The following ZNF418 variants were observed in gnomAD, a reference collection of about 807,000 sequenced individuals.
The protein encoded by ZNF418 is zinc finger protein 418.
A neutral mutation model predicts 32.0 loss-of-function variants in ZNF418; 32 were observed. That is an observed-to-expected ratio of 1.00 (90% CI 0.75 to 1.34). ZNF418 has a LOEUF of 1.34. Among genes scored for constraint, ZNF418 ranks in the 40% most tolerant of loss-of-function variants. The probability of loss-of-function intolerance (pLI) is 0.00; values close to 1 mark genes in which losing one functional copy is unlikely to be tolerated. For missense variants in ZNF418, 804 were observed against 812.5 expected, an observed-to-expected ratio of 0.99 and a Z score of 0.13; for synonymous variants, 276 against 270.7, an observed-to-expected ratio of 1.02 and a Z score of -0.19.
At position 57,922,470 on chromosome 19, in the gene ZNF418, A is replaced by C. The variant is rs1023978730; in HGVS notation, c.*785T>G. The C allele has an allele frequency of 3.8e-5, 15 of 397,672 alleles. No individual in the cohort carries two copies. The highest frequency in any genetic ancestry group is 5.3e-5 in the Non-Finnish European group (12 of 225,642). 24.6% of individuals were successfully genotyped at this position (397,672 alleles called of 1,614,324 possible). A position where few individuals can be genotyped will look rare whatever the true frequency, so the allele number is the denominator to read the frequency against. On this transcript the variant is annotated 3_prime_UTR_variant, in exon 6 of 6. Coordinates refer to ENST00000396147, the MANE Select transcript of ZNF418 (RefSeq NM_133460.3). Reference sequence around the variant, plus strand: ...CCAATTCAACACATATTTACCCATGACTTCCACGGTGGCTCTTCTGTAAGG... The same window carrying C: ...CCAATTCAACACATATTTACCCATGCCTTCCACGGTGGCTCTTCTGTAAGG...
At position 57,927,742 on chromosome 19, in the gene ZNF418, CAA is replaced by C; in HGVS notation, c.437_438del (p.Phe146CysfsTer5). On this transcript the variant is annotated frameshift_variant, in exon 4 of 6. Coordinates refer to ENST00000396147, the MANE Select transcript of ZNF418 (RefSeq NM_133460.3). LOFTEE classifies it high-confidence loss of function. ...GACACATGGAACTTACACCTCTTCA[CAA>C]ACAATGCTTCCTCAACACTGCTTCT... ...PYRSSVEEAL[F>X]VKRCKFHVSE... 1.2e-6 allele frequency: 2 copies of C among 1,614,238 alleles called. No homozygotes were observed. Among genetic ancestry groups the C allele is most frequent in the Non-Finnish European group, 1.7e-6 (2 of 1,180,046 alleles).
chr19:57,925,092 A>T (rs1483085542), intron 4 of ZNF418, among the ~76,000 whole-genome samples: 3 of 152,178 alleles, frequency 2.0e-5, no homozygotes, highest in Non-Finnish European at 4.4e-5. Context: ...TTAAACAATA[A>T]GGCCTTATTC....
At chr19:57,931,546 C>T (rs1301431282) in intron 2 of ZNF418, among the ~76,000 whole-genome samples, 1 of 152,128 alleles carries the variant, frequency 6.6e-6, no homozygotes, top group African/African-American at 2.4e-5. Context: ...TCACGGCCAG[C>T]CCAACATGAC....
In ZNF418 at chr19:57,930,465, G is replaced by A. The variant is rs115337005; in HGVS notation, c.96C>T (p.Asp32=). The A allele has an allele frequency of 5.9e-4, 955 of 1,614,144 alleles. 10 individuals are homozygous for A. The African/African-American group carries it at 0.011, about 19-fold the overall frequency. The change falls in exon 3 of 6, where the codon GAC becomes GAT. Residue 32 remains aspartate (D), a synonymous_variant. Coordinates refer to ENST00000396147, the MANE Select transcript of ZNF418 (RefSeq NM_133460.3). ...TAAGTACCCAGTTCTCCAGCATCACGTCATGGTAAAGGCATCTCTGAACCT... is the reference window on the plus strand; with the variant it reads ...TAAGTACCCAGTTCTCCAGCATCACATCATGGTAAAGGCATCTCTGAACCT... ...LSEVQRCLYH[D]VMLENWVLIS... is the part of the protein sequence containing the mutation.
intron 3 of ZNF418, 106 bp from the exon 4 acceptor site, chr19:57,928,153 T>C (rs1328751878): frequency 1.0e-6 from 1 of 989,894 alleles, no homozygotes; most frequent in Non-Finnish European, 1.5e-6. Flanking sequence ...TGGAAATATT[T>C]GCAGGAACAG....
intron 2 of ZNF418, chr19:57,932,296 C>T: frequency 1.3e-6 from 1 of 762,636 alleles, no homozygotes; most frequent in Non-Finnish European, 2.2e-6. Context: ...GTGCTCAGGC[C>T]ATTTGAGGTC....
intron 1 of ZNF418, 129 bp from the exon 2 acceptor site, chr19:57,934,031 T>C: frequency 6.8e-7 from 1 of 1,473,214 alleles, no homozygotes; most frequent in Non-Finnish European, 9.0e-7. Context: ...TATGTTTACA[T>C]GGGTTGACAG....
At chr19:57,922,834 T>C (rs1208010513) in intron 5 of ZNF418, among the ~76,000 whole-genome samples, 2 of 151,712 alleles carry the variant, frequency 1.3e-5, no homozygotes, top group Non-Finnish European at 2.9e-5. Flanking sequence ...ACCTAATCTC[T>C]ACAGAAAAAT....
rs767945132 is a variant in ZNF418 at position 57,926,886 on chromosome 19, CCA to C, written c.1293_1294del (p.Cys431TrpfsTer5). Reference sequence around the variant, plus strand: ...GTTGCCCTTTCGACTAAAAGATTTCCCACATTCTCCACACTCGTAAGGTCTTT... The same window carrying C: ...GTTGCCCTTTCGACTAAAAGATTTCCCATTCTCCACACTCGTAAGGTCTTT... On this transcript the variant is annotated frameshift_variant, in exon 4 of 6. Transcript: ENST00000396147. LOFTEE classifies it low-confidence loss of function (END_TRUNC). 3.7e-6 allele frequency: 6 copies of C among 1,614,018 alleles called. No individual in the cohort carries two copies. Among genetic ancestry groups the C allele is most frequent in the South Asian group, 2.2e-5 (2 of 91,078 alleles).
At chr19:57,922,830 T>G (rs1164434341) in intron 5 of ZNF418, among the ~76,000 whole-genome samples, 1 of 151,666 alleles carries the variant, frequency 6.6e-6, no homozygotes, top group East Asian at 1.9e-4. Flanking sequence ...TGAGACCTAA[T>G]CTCTACAGAA....
rs2072582014 is a variant in ZNF418, at chr19:57,933,837, A to T, written c.-15T>A. ...CTCACCTGCATTATGGCAGGAGTTTAAACTCTGATCCTCCTTCCTCCTCCC... is the reference window on the plus strand; with the variant it reads ...CTCACCTGCATTATGGCAGGAGTTTTAACTCTGATCCTCCTTCCTCCTCCC... On this transcript the variant is annotated 5_prime_UTR_variant, in exon 2 of 6. Coordinates refer to ENST00000396147, the MANE Select transcript of ZNF418 (RefSeq NM_133460.3). 6.2e-7 allele frequency: 1 copy of T among 1,614,016 alleles called. No homozygotes were observed. The highest frequency in any genetic ancestry group is 1.3e-5 in the African/African-American group (1 of 74,896).
chr19:57,926,072 T>A lies in ZNF418; in HGVS notation c.*78A>T, dbSNP rs1191816019. ...GAATATCCCACGTTTGTCACACTCA[T>A]AAGGTCCTGATCCAGTAAGAACCCT... On this transcript the variant is annotated 3_prime_UTR_variant, in exon 4 of 6. Coordinates refer to ENST00000396147, the MANE Select transcript of ZNF418 (RefSeq NM_133460.3). 71 of 1,250,624 alleles carry A rather than the reference T, an allele frequency of 5.7e-5. No homozygotes were observed. The highest frequency in any genetic ancestry group is 7.4e-5 in the Non-Finnish European group (66 of 892,290). 77.5% of individuals were successfully genotyped at this position (1,250,624 alleles called of 1,614,324 possible). A position where few individuals can be genotyped will look rare whatever the true frequency, so the allele number is the denominator to read the frequency against.
Position 57,926,840 on chromosome 19 carries a change from G to A in ZNF418, c.1341C>T (p.Ser447=). 3.1e-6 allele frequency: 5 copies of A among 1,613,682 alleles called. No homozygotes were observed. Among genetic ancestry groups the A allele is most frequent in the Non-Finnish European group, 4.2e-6 (5 of 1,179,926 alleles). ...ACTCATAAGGCCTTTCTCCAGTGTG[G>A]CTTCGCTGATGCTGAATGAGGTTGC... ...RKGNLIQHQR[S]HTGERPYECR... Residue 447 remains serine (S), a synonymous_variant, in exon 4 of 6, where the codon AGC becomes AGT. Transcript: ENST00000396147.
In ZNF418 at chr19:57,922,320, G is replaced by A. The variant is rs2072026434; in HGVS notation, c.*935C>T. The A allele has an allele frequency of 5.7e-6, 2 of 353,766 alleles. No individual in the cohort carries two copies. Among genetic ancestry groups the A allele is most frequent in the African/African-American group, 2.1e-5 (1 of 47,734 alleles). The allele number at this position is 353,766 out of a possible 1,614,324, so 21.9% of individuals were successfully genotyped here. ...TTAGTTTCATCAATCGAGAAGAGAG[G>A]GGAGGGTATGCAAAATAAAAATGTT... On this transcript the variant is annotated 3_prime_UTR_variant, in exon 6 of 6. Coordinates refer to ENST00000396147, the MANE Select transcript of ZNF418 (RefSeq NM_133460.3).
intron 3 of ZNF418, 111 bp from the exon 4 acceptor site, chr19:57,928,158 G>A (rs941517528): frequency 2.1e-6 from 2 of 964,520 alleles, no homozygotes; most frequent in African/African-American, 1.6e-5. Flanking sequence ...ATATTTGCAG[G>A]AACAGAAAGT....
chr19:57,934,991 G>A, intron 1 of ZNF418, 170 bp downstream of exon 1: 1 of 1,424,484 alleles, frequency 7.0e-7, no homozygotes, highest in Non-Finnish European at 9.3e-7. Flanking sequence ...TGTGCCTGTC[G>A]CTCTCCCCAC....
intron 5 of ZNF418, 73 bp from the exon 6 acceptor site, chr19:57,922,702 A>G (rs1268736575): frequency 1.0e-5 from 4 of 397,524 alleles, no homozygotes; most frequent in Non-Finnish European, 1.8e-5. Context: ...AAATTGCAAG[A>G]AAAAAACCAA....
Position 57,926,163 on chromosome 19 carries a change from CTTCT to C in ZNF418, c.2014_2017del (p.Arg672ValfsTer14), listed in dbSNP as rs762560751. 36 of 1,610,020 alleles carry C rather than the reference CTTCT, an allele frequency of 2.2e-5. No homozygotes were observed. The highest frequency in any genetic ancestry group is 4.5e-5 in the East Asian group (2 of 44,824). ...CCAAATTTCTTTTCACTTGTAAGGA[CTTCT>C]TTCTGTGTGAACTCTCTGATGTCGA... On this transcript the variant is annotated frameshift_variant, in exon 4 of 6. Transcript: ENST00000396147. LOFTEE classifies it high-confidence loss of function.
At chr19:57,924,070 G>A (rs533785381) in intron 4 of ZNF418, among the ~76,000 whole-genome samples, 1 of 151,700 alleles carries the variant, frequency 6.6e-6, no homozygotes, top group Non-Finnish European at 1.5e-5. Flanking sequence ...TGCTTGAGGA[G>A]TTCGAGGCTG....
Sources: gnomAD v4.1 joint callset for allele counts (sites outside exome capture counted in the v4.1 genomes callset) on GRCh38, gnomAD v4.1.1 for gene constraint, MANE v1.5 for transcripts, NCBI Gene and HGNC (gene_info 2026-07-23, HGNC 2026-07-21) for gene names.